The following ITPR2 variants were observed in gnomAD, a reference collection of about 807,000 sequenced individuals.
The protein encoded by ITPR2 is inositol 1,4,5-trisphosphate-gated calcium channel ITPR2.
In ITPR2, 207 loss-of-function variants were observed where a neutral mutation model predicts 317.1. The ratio of observed to expected loss-of-function variants is 0.65; its 90% CI spans 0.58 to 0.73. The LOEUF (loss-of-function observed/expected upper bound fraction) is 0.73. Ranked by LOEUF, ITPR2 falls within the 30% of genes least tolerant of loss-of-function variation. The pLI, the probability that ITPR2 is intolerant of heterozygous loss-of-function variation, is 0.00. For missense variants in ITPR2, 2,613 were observed against 3,284.0 expected (o/e 0.80, Z 4.99); for synonymous variants, 1,156 against 1,149.1 (o/e 1.01, Z -0.12).
intron 41 of ITPR2, among the ~76,000 whole-genome samples, chr12:26,485,494 T>C (rs1232727884): frequency 6.6e-6 from 1 of 152,226 alleles, no homozygotes; most frequent in African/African-American, 2.4e-5. Context: ...TTGGCCTGCC[T>C]GTGTACAAAC....
intron 30 of ITPR2, among the ~76,000 whole-genome samples, chr12:26,597,584 A>G (rs1056480983): frequency 4.6e-5 from 7 of 152,216 alleles, no homozygotes; most frequent in African/African-American, 1.7e-4. Context: ...ACAGCTCTAC[A>G]AAAGTCTACA....
At chr12:26,398,725 C>G in intron 54 of ITPR2, 151 bp downstream of exon 54, 1 of 589,830 alleles carries the variant, frequency 1.7e-6, no homozygotes, top group East Asian at 3.1e-5. Flanking sequence ...CAGAGAATTC[C>G]AGTCTAATGC....
chr12:26,641,619 A>T (rs1397954999), intron 21 of ITPR2, among the ~76,000 whole-genome samples: 1 of 152,210 alleles, frequency 6.6e-6, no homozygotes, highest in Non-Finnish European at 1.5e-5. Flanking sequence ...TGCAATAAGG[A>T]TTAACAATAA....
chr12:26,345,750 G>A (rs1938288315), intron 55 of ITPR2, among the ~76,000 whole-genome samples: 1 of 152,196 alleles, frequency 6.6e-6, no homozygotes, highest in Non-Finnish European at 1.5e-5. Context: ...AGCAGGGGAA[G>A]AGGAAGGTAA....
intron 1 of ITPR2, among the ~76,000 whole-genome samples, chr12:26,821,338 A>G (rs188692692): frequency 9.7e-4 from 147 of 152,328 alleles, no homozygotes; most frequent in African/African-American, 3.4e-3. Context: ...ACTTGCCGTC[A>G]TGGATATAAA....
At chr12:26,396,728 CT>C in intron 54 of ITPR2, among the ~76,000 whole-genome samples, 1 of 152,334 alleles carries the variant, frequency 6.6e-6, no homozygotes, top group Middle Eastern at 3.4e-3. Context: ...ATGAATTGAT[CT>C]GTGCTGTATC....
At chr12:26,749,558 G>A (rs1949382025) in intron 2 of ITPR2, among the ~76,000 whole-genome samples, 1 of 152,068 alleles carries the variant, frequency 6.6e-6, no homozygotes, top group Non-Finnish European at 1.5e-5. Flanking sequence ...AAAATTTCAG[G>A]GTGATGATCA....
chr12:26,514,191 T>A (rs1943431385), intron 37 of ITPR2, among the ~76,000 whole-genome samples: 1 of 152,128 alleles, frequency 6.6e-6, no homozygotes, highest in Admixed American at 6.5e-5. Context: ...CTAACTACGA[T>A]GTTTTTTTAA....
At chr12:26,439,814 C>A (rs1341303943) in intron 46 of ITPR2, among the ~76,000 whole-genome samples, 1 of 152,122 alleles carries the variant, frequency 6.6e-6, no homozygotes, top group Non-Finnish European at 1.5e-5. Context: ...TTAAAATGTT[C>A]TCTTATTCAT....
intron 55 of ITPR2, among the ~76,000 whole-genome samples, chr12:26,342,495 G>GGA (rs1938155601): frequency 7.7e-4 from 7 of 9,056 alleles, no homozygotes; most frequent in African/African-American, 1.7e-3. Context: ...GGGTCACGGC[G>GGA]GTGGGGGGGG....
intron 5 of ITPR2, chr12:26,721,291 GA>G: frequency 1.7e-6 from 1 of 604,524 alleles, no homozygotes. Context: ...CTTACCAAAG[GA>G]AGATATCACC....
chr12:26,407,726 G>A (rs930472349), intron 52 of ITPR2, among the ~76,000 whole-genome samples: 1 of 152,152 alleles, frequency 6.6e-6, no homozygotes, highest in African/African-American at 2.4e-5. Context: ...AATCTATGTT[G>A]ATATACATTG....
At chr12:26,659,478 G>A (rs1040077180) in intron 15 of ITPR2, among the ~76,000 whole-genome samples, 193 bp from the exon 16 acceptor site, 10 of 152,056 alleles carry the variant, frequency 6.6e-5, no homozygotes, top group African/African-American at 1.7e-4. Flanking sequence ...TGGCATATAC[G>A]TTTTTGAACT....
chr12:26,499,660 C>A (rs977091374), intron 37 of ITPR2, among the ~76,000 whole-genome samples: 5 of 152,160 alleles, frequency 3.3e-5, no homozygotes, highest in Non-Finnish European at 7.3e-5. Context: ...ATCATGGGAA[C>A]AGTCTACAAC....
At chr12:26,768,227 A>T (rs983820865) in intron 2 of ITPR2, among the ~76,000 whole-genome samples, 4 of 146,850 alleles carry the variant, frequency 2.7e-5, no homozygotes, top group Non-Finnish European at 6.0e-5. Flanking sequence ...GTATCCCAGG[A>T]CACAGGAAGG....
chr12:26,341,006 G>T (rs1938094790), intron 55 of ITPR2, among the ~76,000 whole-genome samples: 1 of 152,140 alleles, frequency 6.6e-6, no homozygotes, highest in Admixed American at 6.5e-5. Flanking sequence ...GTGTGTGTGT[G>T]TTTTTCCTCC....
At chr12:26,430,325 G>A (rs1378097200) in intron 48 of ITPR2, among the ~76,000 whole-genome samples, 13 of 152,134 alleles carry the variant, frequency 8.5e-5, no homozygotes, top group African/African-American at 9.7e-5. Context: ...GTGCAGTGGC[G>A]TGATCTCGGC....
chr12:26,536,137 T>C (rs1215455672), intron 37 of ITPR2, among the ~76,000 whole-genome samples: 1 of 152,218 alleles, frequency 6.6e-6, no homozygotes, highest in Non-Finnish European at 1.5e-5. Context: ...AGCCAAGATT[T>C]CTGGCTTCAT....
At chr12:26,675,504 T>C (rs543477850) in intron 13 of ITPR2, among the ~76,000 whole-genome samples, 2 of 150,850 alleles carry the variant, frequency 1.3e-5, no homozygotes, top group African/African-American at 2.4e-5. Context: ...AATAAGAACA[T>C]ATGTTCACAG....
Sources: gnomAD v4.1 joint callset for allele counts (sites outside exome capture counted in the v4.1 genomes callset) on GRCh38, gnomAD v4.1.1 for gene constraint, MANE v1.5 for transcripts, NCBI Gene and HGNC (gene_info 2026-07-23, HGNC 2026-07-21) for gene names.